The following ITLN2 variants were observed in gnomAD, a reference collection of about 807,000 sequenced individuals.
The protein encoded by ITLN2 is intelectin 2.
A neutral mutation model predicts 39.4 loss-of-function variants in ITLN2; 29 were observed. The observed-to-expected ratio is 0.74, with a 90% CI of 0.55 to 1.00. ITLN2 has a LOEUF of 1.00. Ranked by LOEUF, ITLN2 falls within the 50% of genes least tolerant of loss-of-function variation. ITLN2 has a pLI of 0.00. For missense variants in ITLN2, 412 were observed against 416.7 expected (o/e 0.99, Z 0.10); for synonymous variants, 156 against 153.4 (o/e 1.02, Z -0.12).
At position 160,948,012 on chromosome 1, in the gene ITLN2, C is replaced by G; in HGVS notation, c.742G>C (p.Val248Leu). ...YGQREFVAGF[V>L]QFRVFNNERA... is the part of the protein sequence containing the mutation. ...TCGTTATTAAACACCCGGAACTGAA[C>G]GAATCCTGCAACAAATTCCCCTGAA... Residue 248 changes from valine (V) to leucine (L), a missense_variant, in exon 7 of 8, where the codon GTT (valine) becomes CTT (leucine). Physicochemically the swap from Val to Leu is conservative, Grantham distance 32 (BLOSUM62 1). Coordinates refer to ENST00000368029, the MANE Select transcript of ITLN2 (RefSeq NM_080878.3). The G allele has an allele frequency of 6.2e-7, 1 of 1,613,962 alleles. No individual in the cohort carries two copies. Among genetic ancestry groups the G allele is most frequent in the Non-Finnish European group, 8.5e-7 (1 of 1,179,930 alleles).
intron 2 of ITLN2, 107 bp downstream of exon 2, chr1:160,954,280 C>T (rs961227883): frequency 3.7e-5 from 32 of 866,660 alleles, no homozygotes; most frequent in Admixed American, 5.6e-5. Context: ...CAGAACTTCC[C>T]CTTTGACCCT....
Position 160,951,054 on chromosome 1 carries a change from C to G in ITLN2, c.430G>C (p.Asp144His). The change falls in exon 4 of 8, where the codon GAT becomes CAT. Residue 144 changes from aspartate to histidine, a missense_variant. Transcript: ENST00000368029. ...GAAGTGGCACCAACCTTGTAGTCAT[C>G]GCTCGTGGCCGCCTCTGCAGATCCA... ...TFGSAEAATS[D>H]DYKNPGYYDI... 1 of 1,614,214 alleles carries G rather than the reference C, an allele frequency of 6.2e-7. No homozygotes were observed. The highest frequency in any genetic ancestry group is 8.5e-7 in the Non-Finnish European group (1 of 1,180,044).
chr1:160,954,251 C>G (rs1490384571), intron 2 of ITLN2, 136 bp downstream of exon 2: 2 of 684,712 alleles, frequency 2.9e-6, no homozygotes, highest in Non-Finnish European at 4.9e-6. Flanking sequence ...GGCTGCCTAG[C>G]CTGGGTTCCC....
chr1:160,949,849 G>A (rs1284847824), intron 6 of ITLN2, 197 bp downstream of exon 6: 1 of 552,050 alleles, frequency 1.8e-6, no homozygotes, highest in Non-Finnish European at 3.2e-6. Context: ...CTGTGAAATG[G>A]GGATAACAGC....
chr1:160,949,706 C>T (rs6674437), intron 6 of ITLN2: 135,464 of 203,888 alleles, frequency 0.66, 45,451 homozygotes, highest in Middle Eastern at 0.79. Context: ...GAATTTTTCT[C>T]AGCACAGACC....
intron 3 of ITLN2, 157 bp from the exon 4 acceptor site, chr1:160,951,447 ACC>A: frequency 1.1e-6 from 1 of 924,122 alleles, no homozygotes; most frequent in Non-Finnish European, 1.6e-6. Flanking sequence ...TGTTCTGCTC[ACC>A]TATGAGCAGA....
Position 160,950,646 on chromosome 1 carries a change from G to C in ITLN2, c.507C>G (p.Pro169=), listed in dbSNP as rs754605514. 3.1e-6 allele frequency: 5 copies of C among 1,614,102 alleles called. No homozygotes were observed. In the Admixed American group the frequency reaches 8.3e-5, roughly 27 times the overall value. Residue 169 remains proline, a synonymous_variant, in exon 5 of 8, where the codon CCC becomes CCG. Coordinates refer to ENST00000368029, the MANE Select transcript of ITLN2 (RefSeq NM_080878.3). ...GGGCGCTGTTTCTCCAATGCTGCATGGGGGACTTGTTGGGCACATGCCAGA... is the reference window on the plus strand; with the variant it reads ...GGGCGCTGTTTCTCCAATGCTGCATCGGGGACTTGTTGGGCACATGCCAGA... ...LGIWHVPNKS[P]MQHWRNSALL...
intron 7 of ITLN2, among the ~76,000 whole-genome samples, chr1:160,945,624 G>A (rs941873381): frequency 3.3e-5 from 5 of 152,158 alleles, no homozygotes; most frequent in East Asian, 1.9e-4. Flanking sequence ...TCTAATCTGC[G>A]AGTCCCTCCA....
chr1:160,953,527 T>G (rs1043677869), intron 2 of ITLN2, among the ~76,000 whole-genome samples: 1 of 152,152 alleles, frequency 6.6e-6, no homozygotes, highest in Non-Finnish European at 1.5e-5. Context: ...CTGGTCAATA[T>G]GGTGAAACCC....
chr1:160,945,352 C>G, intron 7 of ITLN2, 60 bp from the exon 8 acceptor site: 1 of 1,448,260 alleles, frequency 6.9e-7, no homozygotes, highest in Non-Finnish European at 9.1e-7. Context: ...CACCAGTGAG[C>G]GCAAGGCTGG....
rs181557704 is a variant in ITLN2 at position 160,950,762 on chromosome 1, C to A, written c.442-51G>T. 1.4e-4 allele frequency: 226 copies of A among 1,578,770 alleles called. No individual in the cohort carries two copies. The African/African-American group carries it at 2.7e-3, about 19-fold the overall frequency. On this transcript the variant is annotated intron_variant, in intron 4 of 7. Coordinates refer to ENST00000368029, the MANE Select transcript of ITLN2 (RefSeq NM_080878.3). Reference sequence around the variant, plus strand: ...GACTGGGCCAGGAGGTACCAGGAGGCAGAAGGTCCACATGTGCAGCCTCAG... The same window carrying A: ...GACTGGGCCAGGAGGTACCAGGAGGAAGAAGGTCCACATGTGCAGCCTCAG...
At chr1:160,947,156 CAT>C (rs1352600672) in intron 7 of ITLN2, among the ~76,000 whole-genome samples, 2 of 152,180 alleles carry the variant, frequency 1.3e-5, no homozygotes, top group Admixed American at 6.5e-5. Flanking sequence ...AGCAGGGAAA[CAT>C]GTGAGCAAAG....
At position 160,947,934 on chromosome 1, in the gene ITLN2, C is replaced by T. The variant is rs1336952170; in HGVS notation, c.820G>A (p.Glu274Lys). 6.2e-7 allele frequency: 1 copy of T among 1,611,560 alleles called. No homozygotes were observed. The highest frequency in any genetic ancestry group is 1.1e-5 in the South Asian group (1 of 91,032). The change falls in exon 7 of 8, where the codon GAG (glutamate) becomes AAG (lysine). Residue 274 changes from glutamate (E) to lysine (K), a missense_variant. By Grantham distance (56) the Glu-to-Lys change is moderately conservative (BLOSUM62 1). Transcript: ENST00000368029. ...TGATCTCCCCAAAAACTCACATGCT[C>T]AGTGTTACAGCCAGTAACTTTTATC... The part of the protein sequence containing the change: ...AGIKVTGCNT[E>K]HHCIGGGGFF...
At chr1:160,952,029 C>T (rs2101940467) in intron 3 of ITLN2, among the ~76,000 whole-genome samples, 1 of 152,352 alleles carries the variant, frequency 6.6e-6, no homozygotes, top group South Asian at 2.1e-4. Flanking sequence ...ACTGGCTCCT[C>T]AGCCACTGCC....
intron 1 of ITLN2, 58 bp from the exon 2 acceptor site, chr1:160,954,508 G>A (rs568669713): frequency 7.4e-5 from 105 of 1,409,956 alleles, no homozygotes; most frequent in African/African-American, 7.2e-4. Context: ...TCATCCTCTC[G>A]TTCTTACTTC....
chr1:160,947,923 A>G lies in ITLN2; in HGVS notation c.825+6T>C, dbSNP rs746998900. The G allele has an allele frequency of 2.4e-5, 38 of 1,606,216 alleles. No individual in the cohort carries two copies. The highest frequency in any genetic ancestry group is 3.2e-5 in the Non-Finnish European group (37 of 1,173,144). On this transcript the variant is annotated splice_donor_region_variant and intron_variant, in intron 7 of 7. Transcript: ENST00000368029. ...ACGTGGGCCATTGATCTCCCCAAAA[A>G]CTCACATGCTCAGTGTTACAGCCAG...
Position 160,954,751 on chromosome 1 carries a change from T to G in ITLN2, c.-10A>C, listed in dbSNP as rs750130396. On this transcript the variant is annotated 5_prime_UTR_variant, in exon 1 of 8. Transcript: ENST00000368029. ...CCAGCATGGACAGCATCCTTACAGA[T>G]GCCAGGAGCTGATAGTTCCCTTCCT... is the stretch of plus-strand genomic sequence containing the variant. The G allele has an allele frequency of 6.2e-7, 1 of 1,613,976 alleles. No individual in the cohort carries two copies. Among genetic ancestry groups the G allele is most frequent in the South Asian group, 1.1e-5 (1 of 91,012 alleles).
intron 7 of ITLN2, 25 bp downstream of exon 7, chr1:160,947,904 G>A (rs376789434): frequency 6.4e-5 from 94 of 1,465,438 alleles, no homozygotes; most frequent in Non-Finnish European, 8.4e-5. Context: ...CCACACGTGG[G>A]CCATTGATCT....
intron 6 of ITLN2, 122 bp from the exon 7 acceptor site, chr1:160,948,154 C>A: frequency 1.4e-6 from 1 of 731,132 alleles, no homozygotes; most frequent in South Asian, 1.7e-5. Context: ...ACACCCCAGG[C>A]TGTAGGGGTG....
Sources: allele counts gnomAD v4.1 joint callset (sites outside exome capture counted in the v4.1 genomes callset), GRCh38; gene constraint gnomAD v4.1.1; transcripts MANE v1.5; gene names NCBI Gene and HGNC (gene_info 2026-07-23, HGNC 2026-07-21).